The following PPARGC1B variants were observed in gnomAD, a reference collection of about 807,000 sequenced individuals.
The protein encoded by PPARGC1B is peroxisome proliferator-activated receptor gamma coactivator 1-beta.
In PPARGC1B, 34 loss-of-function variants were observed where a neutral mutation model predicts 101.6. The observed-to-expected ratio is 0.33, with a 90% CI of 0.25 to 0.45. PPARGC1B has a LOEUF of 0.45. Ranked by LOEUF, PPARGC1B falls within the 20% of genes least tolerant of loss-of-function variation. PPARGC1B has a pLI of 1.00. For missense variants in PPARGC1B, 1,234 were observed against 1,317.6 expected, an observed-to-expected ratio of 0.94 and a Z score of 0.98; for synonymous variants, 548 against 539.3, an observed-to-expected ratio of 1.02 and a Z score of -0.22.
At chr5:149,749,676 G>T (rs771155306) in intron 1 of PPARGC1B, among the ~76,000 whole-genome samples, 6 of 152,224 alleles carry the variant, frequency 3.9e-5, no homozygotes, top group Non-Finnish European at 7.3e-5. Flanking sequence ...CTGGAAAGAA[G>T]AGTGTCATGG....
At chr5:149,735,304 T>G (rs1156867686) in intron 1 of PPARGC1B, among the ~76,000 whole-genome samples, 2 of 152,134 alleles carry the variant, frequency 1.3e-5, no homozygotes, top group Admixed American at 6.5e-5. Flanking sequence ...TCATATTTCC[T>G]CTTTACCTTA....
At chr5:149,757,149 C>G (rs1755559837) in intron 1 of PPARGC1B, among the ~76,000 whole-genome samples, 1 of 152,166 alleles carries the variant, frequency 6.6e-6, no homozygotes, top group South Asian at 2.1e-4. Context: ...GTCCAGACGC[C>G]TCTCTGCAAT....
intron 9 of PPARGC1B, 127 bp downstream of exon 9, chr5:149,840,243 A>G: frequency 5.2e-6 from 4 of 770,800 alleles, no homozygotes; most frequent in Non-Finnish European, 8.3e-6. Flanking sequence ...CTGCCTGGGG[A>G]AGAAGGGACT....
chr5:149,756,416 C>T (rs1755522997), intron 1 of PPARGC1B, among the ~76,000 whole-genome samples: 1 of 152,108 alleles, frequency 6.6e-6, no homozygotes, highest in African/African-American at 2.4e-5. Context: ...TGCGGCACTG[C>T]ACTCTAGCCT....
At chr5:149,733,976 T>G (rs1754593841) in intron 1 of PPARGC1B, among the ~76,000 whole-genome samples, 2 of 152,170 alleles carry the variant, frequency 1.3e-5, no homozygotes, top group Admixed American at 1.3e-4. Flanking sequence ...TTAATTGTCA[T>G]GTATATTCCA....
chr5:149,747,440 C>G (rs1046122680), intron 1 of PPARGC1B, among the ~76,000 whole-genome samples: 3 of 152,252 alleles, frequency 2.0e-5, no homozygotes, highest in African/African-American at 4.8e-5. Context: ...TCACGTGAGC[C>G]TGATGCTCAG....
At chr5:149,786,170 G>A (rs996865287) in intron 1 of PPARGC1B, among the ~76,000 whole-genome samples, 1 of 151,858 alleles carries the variant, frequency 6.6e-6, no homozygotes, top group African/African-American at 2.4e-5. Context: ...TCCGCTCACT[G>A]CAACCTTCTC....
intron 1 of PPARGC1B, among the ~76,000 whole-genome samples, chr5:149,746,813 T>C (rs1231038132): frequency 6.6e-6 from 1 of 152,146 alleles, no homozygotes; most frequent in Non-Finnish European, 1.5e-5. Context: ...GGATGTGAGG[T>C]GGTTATCTTA....
At chr5:149,842,802 T>A (rs1341752625) in intron 10 of PPARGC1B, among the ~76,000 whole-genome samples, 1 of 152,222 alleles carries the variant, frequency 6.6e-6, no homozygotes, top group Non-Finnish European at 1.5e-5. Flanking sequence ...GCTTGAAGAC[T>A]TGCACTGGGA....
intron 1 of PPARGC1B, among the ~76,000 whole-genome samples, chr5:149,754,802 G>GA (rs1755445612): frequency 1.2e-5 from 1 of 82,822 alleles, no homozygotes; most frequent in Non-Finnish European, 2.3e-5. Flanking sequence ...TTTTTTTTTA[G>GA]ACAGAGTCTT....
At chr5:149,846,192 G>A in intron 11 of PPARGC1B, 1 of 575,344 alleles carries the variant, frequency 1.7e-6, no homozygotes, top group Non-Finnish European at 3.1e-6. Context: ...TGCACAGCCA[G>A]CTGGCAGAAC....
rs55971526 is a variant in PPARGC1B, at chr5:149,750,453, A to AATATATATAT, written c.78+20060_78+20069dup. ...TAGCTGTCTTCTCTGTTTTAGTTAA[A>AATATATATAT]ATATATATATATATATATATATATA... On this transcript the variant is annotated intron_variant, in intron 1 of 11. Transcript: ENST00000309241. Among the ~76,000 whole-genome samples, 1,066 of 122,924 alleles carry AATATATATAT rather than the reference A, an allele frequency of 8.7e-3. 12 individuals are homozygous for AATATATATAT. Among genetic ancestry groups the AATATATATAT allele is most frequent in the Non-Finnish European group, 9.8e-3 (582 of 59,132 alleles). 80.6% of individuals were successfully genotyped at this position (122,924 alleles called of 152,430 possible).
intron 1 of PPARGC1B, among the ~76,000 whole-genome samples, chr5:149,769,456 A>G (rs967990027): frequency 3.3e-5 from 5 of 152,138 alleles, no homozygotes; most frequent in African/African-American, 7.2e-5. Flanking sequence ...GCACGTTCCC[A>G]CTGATTCGGG....
At chr5:149,811,731 GC>G (rs1757874181) in intron 1 of PPARGC1B, among the ~76,000 whole-genome samples, 1 of 152,230 alleles carries the variant, frequency 6.6e-6, no homozygotes, top group Admixed American at 6.5e-5. Context: ...GCTGCAAGTA[GC>G]AGAAAACTCC....
At chr5:149,834,615 G>T in intron 5 of PPARGC1B, 59 bp from the exon 6 acceptor site, 1 of 1,540,784 alleles carries the variant, frequency 6.5e-7, no homozygotes, top group South Asian at 1.1e-5. Flanking sequence ...CTCCAGAGGG[G>T]AAACATCTGC....
intron 1 of PPARGC1B, among the ~76,000 whole-genome samples, chr5:149,783,075 A>G (rs1756649780): frequency 7.1e-6 from 1 of 140,072 alleles, no homozygotes; most frequent in South Asian, 2.3e-4. Context: ...TTGATGTCAC[A>G]CTGGAATGAG....
intron 1 of PPARGC1B, chr5:149,739,978 C>T (rs369386164): frequency 1.7e-4 from 26 of 152,396 alleles, no homozygotes; most frequent in African/African-American, 6.3e-4. Flanking sequence ...GGCTCCCACC[C>T]TGCTCTTTCC....
At chr5:149,772,034 A>G in intron 1 of PPARGC1B, 1 of 1,499,840 alleles carries the variant, frequency 6.7e-7, no homozygotes, top group South Asian at 1.3e-5. Context: ...AAGGTTTCCA[A>G]CTTAGACGTG....
intron 1 of PPARGC1B, among the ~76,000 whole-genome samples, chr5:149,743,016 A>T (rs989933152): frequency 5.9e-5 from 9 of 152,042 alleles, no homozygotes; most frequent in Non-Finnish European, 1.3e-4. Flanking sequence ...GGTGCAGAAG[A>T]GGATTTATAT....
Sources: gnomAD v4.1 joint callset for allele counts (sites outside exome capture counted in the v4.1 genomes callset) on GRCh38, gnomAD v4.1.1 for gene constraint, MANE v1.5 for transcripts, NCBI Gene and HGNC (gene_info 2026-07-23, HGNC 2026-07-21) for gene names.